Variants in PDE1A observed in about 807,000 individuals in gnomAD.
PDE1A encodes the protein phosphodiesterase 1A, also known as dual specificity calcium/calmodulin-dependent 3',5'-cyclic nucleotide phosphodiesterase 1A.
PDE1A carries 35 observed loss-of-function variants against 61.7 expected under a neutral mutation model. The observed-to-expected ratio is 0.57, with a 90% CI of 0.43 to 0.75. The LOEUF (loss-of-function observed/expected upper bound fraction) is 0.75. Ranked by LOEUF, PDE1A falls within the 30% of genes least tolerant of loss-of-function variation. PDE1A has a pLI of 0.00. For synonymous variants in PDE1A, 232 were observed against 213.2 expected (o/e 1.09, Z -0.77); for missense variants, 597 against 630.6 (o/e 0.95, Z 0.57).
chr2:182,518,629 T>G (rs879795346), intron 2 of PDE1A, among the ~76,000 whole-genome samples: 6 of 152,216 alleles, frequency 3.9e-5, no homozygotes, highest in Non-Finnish European at 7.4e-5. Context: ...TTGTGATAGA[T>G]TCTAGTACTA....
chr2:182,575,771 T>C, the PDE1A span, among the ~76,000 whole-genome samples: 87 of 146,342 alleles, frequency 5.9e-4, no homozygotes, highest in African/African-American at 2.1e-3. Context: ...TAATATATTA[T>C]ATATTATAAT....
At chr2:182,685,494 A>G in the PDE1A span, among the ~76,000 whole-genome samples, 1 of 152,236 alleles carries the variant, frequency 6.6e-6, no homozygotes, top group African/African-American at 2.4e-5. Context: ...AAAATTTGGC[A>G]TGGCATTTTG....
At chr2:182,254,790 A>G (rs1691656066) in intron 2 of PDE1A, among the ~76,000 whole-genome samples, 1 of 152,140 alleles carries the variant, frequency 6.6e-6, no homozygotes, top group African/African-American at 2.4e-5. Flanking sequence ...TAACAGAAAC[A>G]TTTTAGTTTT....
intron 1 of PDE1A, among the ~76,000 whole-genome samples, chr2:182,394,580 T>A (rs1032954387): frequency 6.6e-6 from 1 of 152,012 alleles, no homozygotes; most frequent in African/African-American, 2.4e-5. Context: ...CGAGCTGACA[T>A]TGATTCCAGG....
intron 2 of PDE1A, among the ~76,000 whole-genome samples, chr2:182,520,144 A>G (rs1192608896): frequency 6.6e-6 from 1 of 151,902 alleles, no homozygotes; most frequent in Non-Finnish European, 1.5e-5. Flanking sequence ...AATATCAGCA[A>G]TGGAATAGGG....
chr2:182,409,162 T>C (rs534453578), intron 1 of PDE1A, among the ~76,000 whole-genome samples: 44 of 152,326 alleles, frequency 2.9e-4, no homozygotes, highest in Middle Eastern at 3.4e-3. Context: ...CTTCTCCTTT[T>C]ACATGCTTTT....
chr2:182,531,766 A>T, the PDE1A span, among the ~76,000 whole-genome samples: 1 of 152,196 alleles, frequency 6.6e-6, no homozygotes, highest in Admixed American at 6.5e-5. Context: ...TTTGTTACAT[A>T]GGTAAACATG....
the PDE1A span, among the ~76,000 whole-genome samples, chr2:182,601,895 G>A: frequency 6.6e-6 from 1 of 152,140 alleles, no homozygotes; most frequent in Non-Finnish European, 1.5e-5. Context: ...CACACCAATT[G>A]GTCCATGGGC....
chr2:182,352,879 A>G (rs1698969728), intron 1 of PDE1A, among the ~76,000 whole-genome samples: 1 of 152,228 alleles, frequency 6.6e-6, no homozygotes. Flanking sequence ...CTAAACTGAG[A>G]ACTTGAAAAT....
chr2:182,239,329 C>T (rs1310829590), intron 3 of PDE1A, among the ~76,000 whole-genome samples: 1 of 151,984 alleles, frequency 6.6e-6, no homozygotes, highest in Non-Finnish European at 1.5e-5. Flanking sequence ...ATAATCATTC[C>T]ACATATAATT....
chr2:182,401,800 C>T (rs1185187511), intron 1 of PDE1A, among the ~76,000 whole-genome samples: 1 of 152,218 alleles, frequency 6.6e-6, no homozygotes, highest in Non-Finnish European at 1.5e-5. Flanking sequence ...TCAAAATCTC[C>T]TTAAGCTGAT....
At chr2:182,207,565 A>T (rs1405967274) in intron 7 of PDE1A, among the ~76,000 whole-genome samples, 2 of 152,266 alleles carry the variant, frequency 1.3e-5, no homozygotes, top group African/African-American at 4.8e-5. Context: ...AGAGAAGCAG[A>T]GCATAAAAGT....
chr2:182,570,617 C>G, the PDE1A span, among the ~76,000 whole-genome samples: 15 of 152,292 alleles, frequency 9.8e-5, no homozygotes, highest in African/African-American at 3.4e-4. Flanking sequence ...GGCCTGGCAT[C>G]AGACACAGTA....
intron 3 of PDE1A, among the ~76,000 whole-genome samples, chr2:182,236,895 C>T (rs185147212): frequency 1.3e-5 from 2 of 152,254 alleles, no homozygotes; most frequent in East Asian, 3.9e-4. Flanking sequence ...GATAGCAAAA[C>T]TTTCCCATTA....
At chr2:182,366,131 T>C (rs1309797209) in intron 1 of PDE1A, among the ~76,000 whole-genome samples, 2 of 152,050 alleles carry the variant, frequency 1.3e-5, no homozygotes, top group Non-Finnish European at 2.9e-5. Flanking sequence ...GAGAAGTTTC[T>C]CTTCTAGAGT....
the PDE1A span, among the ~76,000 whole-genome samples, chr2:182,690,495 ACT>A: frequency 1.3e-5 from 2 of 152,028 alleles, no homozygotes; most frequent in Admixed American, 6.6e-5. Context: ...CATGCTAAAA[ACT>A]CTCAATAAAT....
intron 1 of PDE1A, among the ~76,000 whole-genome samples, chr2:182,401,676 G>A (rs1702005972): frequency 1.3e-5 from 2 of 152,102 alleles, no homozygotes; most frequent in African/African-American, 2.4e-5. Context: ...TTCTGGCCAG[G>A]GCAATCAGGC....
chr2:182,151,112 A>C (rs1026525540), intron 13 of PDE1A, among the ~76,000 whole-genome samples: 9 of 151,968 alleles, frequency 5.9e-5, no homozygotes, highest in African/African-American at 2.2e-4. Context: ...TTTGAGACAA[A>C]GTTTTGCTCT....
chr2:182,446,745 G>A (rs1485376960), intron 2 of PDE1A, among the ~76,000 whole-genome samples: 1 of 152,014 alleles, frequency 6.6e-6, no homozygotes, highest in Non-Finnish European at 1.5e-5. Flanking sequence ...TGATTAAGCA[G>A]CCTTCTCTGG....
Sources: allele counts gnomAD v4.1 joint callset (sites outside exome capture counted in the v4.1 genomes callset), GRCh38; gene constraint gnomAD v4.1.1; transcripts MANE v1.5; gene names NCBI Gene and HGNC (gene_info 2026-07-23, HGNC 2026-07-21).